The following RABGEF1 variants were observed in gnomAD, a reference collection of about 807,000 sequenced individuals.
RABGEF1 encodes rab5 GDP/GTP exchange factor.
RABGEF1 carries 26 observed loss-of-function variants against 57.3 expected under a neutral mutation model. The ratio of observed to expected loss-of-function variants is 0.45; its 90% confidence interval spans 0.33 to 0.63. The LOEUF is 0.63. Among genes scored for constraint, RABGEF1 ranks in the 20% least tolerant of loss-of-function variants. The pLI, the probability that RABGEF1 is intolerant of heterozygous loss-of-function variation, is 0.02. For synonymous variants in RABGEF1, 185 were observed against 210.7 expected, an observed-to-expected ratio of 0.88 and a Z score of 1.06; for missense variants, 464 against 607.6, an observed-to-expected ratio of 0.76 and a Z score of 2.48.
intron 1 of RABGEF1, among the ~76,000 whole-genome samples, chr7:66,709,190 G>A (rs1023962082): frequency 6.6e-6 from 1 of 152,002 alleles, no homozygotes; most frequent in Non-Finnish European, 1.5e-5. Flanking sequence ...TGTATTTTTA[G>A]TAGAAATGGA....
intron 8 of RABGEF1, among the ~76,000 whole-genome samples, chr7:66,805,941 C>T (rs1164389182): frequency 1.3e-5 from 2 of 150,904 alleles, no homozygotes; most frequent in South Asian, 2.1e-4. Context: ...GATGGGGTCT[C>T]GCTGTGTTGC....
At chr7:66,806,518 A>T (rs894037950) in intron 8 of RABGEF1, among the ~76,000 whole-genome samples, 9 of 152,056 alleles carry the variant, frequency 5.9e-5, no homozygotes, top group African/African-American at 2.2e-4. Flanking sequence ...CTTGATCAGA[A>T]TGATGCTTTT....
intron 1 of RABGEF1, among the ~76,000 whole-genome samples, chr7:66,751,979 T>C (rs980128295): frequency 6.6e-6 from 1 of 151,576 alleles, no homozygotes; most frequent in Non-Finnish European, 1.5e-5. Flanking sequence ...GGAGGCTCAC[T>C]TGAGCCCAGG....
chr7:66,730,896 A>G (rs1326724459), intron 2 of RABGEF1, among the ~76,000 whole-genome samples: 1 of 152,156 alleles, frequency 6.6e-6, no homozygotes, highest in Non-Finnish European at 1.5e-5. Context: ...GCAGGTAGGC[A>G]GGGGTGGTAT....
intron 1 of RABGEF1, among the ~76,000 whole-genome samples, chr7:66,693,270 G>T (rs1231389022): frequency 6.6e-6 from 1 of 152,168 alleles, no homozygotes; most frequent in Non-Finnish European, 1.5e-5. Flanking sequence ...TCACAGTCAT[G>T]TATGTTTCCA....
intron 1 of RABGEF1, among the ~76,000 whole-genome samples, chr7:66,751,337 C>G (rs1318547147): frequency 6.6e-6 from 1 of 152,110 alleles, no homozygotes; most frequent in African/African-American, 2.4e-5. Context: ...GGCCTTCCCT[C>G]TTTTTTTCTG....
chr7:66,704,425 A>G (rs1222234503), intron 1 of RABGEF1, among the ~76,000 whole-genome samples: 3 of 152,088 alleles, frequency 2.0e-5, no homozygotes, highest in East Asian at 1.9e-4. Context: ...ATCACTCTGT[A>G]TGCCTTATTT....
At chr7:66,781,498 A>G (rs764960122) in intron 3 of RABGEF1, among the ~76,000 whole-genome samples, 6 of 152,136 alleles carry the variant, frequency 3.9e-5, no homozygotes, top group Non-Finnish European at 5.9e-5. Flanking sequence ...TCTCCTAATT[A>G]GGTTATCCCT....
At chr7:66,720,025 G>A (rs1417584323) in intron 2 of RABGEF1, among the ~76,000 whole-genome samples, 3 of 152,082 alleles carry the variant, frequency 2.0e-5, no homozygotes, top group Non-Finnish European at 2.9e-5. Flanking sequence ...AGTGAAATGC[G>A]TCCCAGAAAT....
At chr7:66,776,026 T>C (rs1178533423) in intron 3 of RABGEF1, among the ~76,000 whole-genome samples, 1 of 152,230 alleles carries the variant, frequency 6.6e-6, no homozygotes, top group African/African-American at 2.4e-5. Flanking sequence ...TGTTCTACCA[T>C]TGAGCAGACT....
intron 4 of RABGEF1, among the ~76,000 whole-genome samples, chr7:66,785,584 A>C (rs1387133801): frequency 6.6e-6 from 1 of 152,210 alleles, no homozygotes; most frequent in Non-Finnish European, 1.5e-5. Flanking sequence ...AGTATAAAAT[A>C]GCCTTTGTGG....
At chr7:66,733,420 C>G (rs1410009858) in intron 2 of RABGEF1, among the ~76,000 whole-genome samples, 1 of 152,170 alleles carries the variant, frequency 6.6e-6, no homozygotes, top group Non-Finnish European at 1.5e-5. Flanking sequence ...CCTCCTAGGC[C>G]AGGCTCAGTG....
chr7:66,679,912 C>T (rs142067188), upstream of RABGEF1, among the ~76,000 whole-genome samples: 9 of 152,242 alleles, frequency 5.9e-5, no homozygotes, highest in East Asian at 3.9e-4. Context: ...TGTGGTGGCA[C>T]ACACCTACCA....
intron 1 of RABGEF1, among the ~76,000 whole-genome samples, chr7:66,750,281 A>G (rs544260013): frequency 6.6e-6 from 1 of 152,254 alleles, no homozygotes; most frequent in Non-Finnish European, 1.5e-5. Context: ...AAGTGTTTTC[A>G]TACCCATATG....
intron 1 of RABGEF1, among the ~76,000 whole-genome samples, chr7:66,761,412 T>C (rs1234626075): frequency 1.3e-5 from 2 of 152,198 alleles, no homozygotes; most frequent in African/African-American, 4.8e-5. Context: ...CTCAGGGAGA[T>C]GCTTCTGTTT....
At chr7:66,704,667 C>T (rs536206622) in intron 1 of RABGEF1, among the ~76,000 whole-genome samples, 10 of 152,084 alleles carry the variant, frequency 6.6e-5, no homozygotes, top group Middle Eastern at 3.4e-3. Flanking sequence ...ACAAATTAGC[C>T]GGGCGTGGTG....
chr7:66,719,027 C>A (rs554594812), intron 2 of RABGEF1, among the ~76,000 whole-genome samples: 24 of 152,370 alleles, frequency 1.6e-4, no homozygotes, highest in African/African-American at 5.3e-4. Flanking sequence ...GGAATCCCTC[C>A]AGCACTCTTG....
upstream of RABGEF1, among the ~76,000 whole-genome samples, chr7:66,739,037 G>A (rs1465858934): frequency 2.6e-5 from 4 of 152,082 alleles, no homozygotes; most frequent in Non-Finnish European, 4.4e-5. Context: ...TGCAACCTCC[G>A]CTTCCCGGGC....
intron 4 of RABGEF1, among the ~76,000 whole-genome samples, chr7:66,793,315 C>T (rs1298065124): frequency 6.6e-6 from 1 of 152,200 alleles, no homozygotes; most frequent in Non-Finnish European, 1.5e-5. Flanking sequence ...GCCTTACATA[C>T]ATAGCCTGAA....
Sources: allele counts gnomAD v4.1 joint callset (sites outside exome capture counted in the v4.1 genomes callset), GRCh38; gene constraint gnomAD v4.1.1; transcripts MANE v1.5; gene names NCBI Gene and HGNC (gene_info 2026-07-23, HGNC 2026-07-21).